PIGU: variants seen among roughly 807,000 people sequenced by gnomAD.
PIGU encodes the protein GPI-anchor transamidase component PIGU.
A neutral mutation model predicts 49.9 loss-of-function variants in PIGU; 24 were observed. The ratio of observed to expected loss-of-function variants is 0.48; its 90% confidence interval spans 0.35 to 0.68. PIGU has a LOEUF of 0.68. Among genes scored for constraint, PIGU ranks in the 30% least tolerant of loss-of-function variants. The pLI is 0.01. For synonymous variants in PIGU, 220 were observed against 205.7 expected, an observed-to-expected ratio of 1.07 and a Z score of -0.59; for missense variants, 490 against 532.6, an observed-to-expected ratio of 0.92 and a Z score of 0.79.
chr20:34,673,665 T>C (rs1376491147), intron 1 of PIGU, among the ~76,000 whole-genome samples: 1 of 152,224 alleles, frequency 6.6e-6, no homozygotes, highest in Admixed American at 6.5e-5. Flanking sequence ...ATTCACCTTT[T>C]TGGCTTTCAT....
chr20:34,601,811 G>A (rs952379429), intron 7 of PIGU, among the ~76,000 whole-genome samples: 2 of 152,168 alleles, frequency 1.3e-5, no homozygotes, highest in African/African-American at 4.8e-5. Context: ...AGACCACCCA[G>A]TCTGTGTGTA....
At chr20:34,626,609 A>C (rs1985504133) in intron 6 of PIGU, among the ~76,000 whole-genome samples, 1 of 152,048 alleles carries the variant, frequency 6.6e-6, no homozygotes, top group Non-Finnish European at 1.5e-5. Flanking sequence ...TGGCCAAAAA[A>C]ACTCCAAACA....
intron 1 of PIGU, among the ~76,000 whole-genome samples, chr20:34,673,578 ACTAT>A (rs1179598938): frequency 6.6e-6 from 1 of 152,148 alleles, no homozygotes; most frequent in African/African-American, 2.4e-5. Flanking sequence ...ATGAAACACT[ACTAT>A]GTCCTTTCTG....
At chr20:34,674,252 G>A (rs1411119416) in intron 1 of PIGU, among the ~76,000 whole-genome samples, 1 of 151,624 alleles carries the variant, frequency 6.6e-6, no homozygotes, top group Non-Finnish European at 1.5e-5. Context: ...CTACCCAAGA[G>A]GCTGAGACGA....
In PIGU at chr20:34,646,449, C is replaced by T. The variant is rs550112454; in HGVS notation, c.196-1115G>A. Among the ~76,000 whole-genome samples the T allele has an allele frequency of 1.8e-4, 28 of 152,300 alleles. No individual in the cohort carries two copies. In the South Asian group the frequency reaches 5.6e-3, roughly 30 times the overall value. On this transcript the variant is annotated intron_variant, in intron 2 of 11. Transcript: ENST00000217446. ...TTTGAGATGGAGTCTCGCTCTGTCACCCAGGCTGGAGTGCAGTGGTACGAT... is the reference window on the plus strand; with the variant it reads ...TTTGAGATGGAGTCTCGCTCTGTCATCCAGGCTGGAGTGCAGTGGTACGAT...
At chr20:34,639,383 A>G (rs1986076735) in intron 4 of PIGU, among the ~76,000 whole-genome samples, 1 of 152,204 alleles carries the variant, frequency 6.6e-6, no homozygotes, top group African/African-American at 2.4e-5. Flanking sequence ...CCTGGGCGAC[A>G]GAGCAAGACT....
chr20:34,600,391 A>AG (rs1393134973), intron 7 of PIGU, among the ~76,000 whole-genome samples: 4 of 151,808 alleles, frequency 2.6e-5, no homozygotes, highest in Non-Finnish European at 5.9e-5. Flanking sequence ...TGGGCGACAG[A>AG]GAAAAAAGAG....
intron 2 of PIGU, among the ~76,000 whole-genome samples, chr20:34,651,348 C>G (rs1417252486): frequency 6.6e-6 from 1 of 152,226 alleles, no homozygotes; most frequent in Non-Finnish European, 1.5e-5. Context: ...GCTTCTTGGT[C>G]TCTAGCCAGC....
intron 7 of PIGU, among the ~76,000 whole-genome samples, chr20:34,595,417 T>C (rs552011632): frequency 6.6e-6 from 1 of 152,348 alleles, no homozygotes; most frequent in South Asian, 2.1e-4. Context: ...ATGCCTAGGT[T>C]ATATGCAAAT....
At chr20:34,577,472 T>A (rs1467025718) in intron 10 of PIGU, among the ~76,000 whole-genome samples, 1 of 152,104 alleles carries the variant, frequency 6.6e-6, no homozygotes, top group Non-Finnish European at 1.5e-5. Context: ...TCCCAGCACT[T>A]TGGGAGGCTG....
chr20:34,600,093 T>A (rs1029386283), intron 7 of PIGU, among the ~76,000 whole-genome samples: 4 of 152,094 alleles, frequency 2.6e-5, no homozygotes, highest in Non-Finnish European at 5.9e-5. Context: ...TTCAAGAGAA[T>A]GATAAATTTC....
chr20:34,634,570 C>A, intron 6 of PIGU, 45 bp downstream of exon 6: 1 of 1,552,898 alleles, frequency 6.4e-7, no homozygotes, highest in South Asian at 1.2e-5. Flanking sequence ...CAAAATCTTG[C>A]ATAAATCAGG....
intron 2 of PIGU, among the ~76,000 whole-genome samples, chr20:34,656,703 C>T (rs934537777): frequency 7.4e-5 from 11 of 149,188 alleles, no homozygotes; most frequent in Non-Finnish European, 1.3e-4. Context: ...GAGGTCAAGG[C>T]TGCAGTGAAC....
intron 7 of PIGU, among the ~76,000 whole-genome samples, chr20:34,607,771 C>CTGCACAGAGTTG (rs148331760): frequency 0.043 from 6,589 of 152,094 alleles, 193 homozygotes; most frequent in Middle Eastern, 0.078. Flanking sequence ...TGCTGTGGGA[C>CTGCACAGAGTTG]TGCACAGAGT....
At chr20:34,575,726 T>C (rs915617417) in intron 10 of PIGU, among the ~76,000 whole-genome samples, 5 of 152,068 alleles carry the variant, frequency 3.3e-5, no homozygotes, top group African/African-American at 1.2e-4. Context: ...TAGGAACACG[T>C]TTTCCATTCT....
intron 7 of PIGU, among the ~76,000 whole-genome samples, chr20:34,595,459 T>A (rs1476593041): frequency 6.6e-6 from 1 of 152,194 alleles, no homozygotes; most frequent in Non-Finnish European, 1.5e-5. Context: ...GACTTGTACA[T>A]CCTGAGATTT....
intron 7 of PIGU, among the ~76,000 whole-genome samples, chr20:34,606,169 C>T (rs1268841266): frequency 1.3e-5 from 2 of 150,316 alleles, no homozygotes; most frequent in Non-Finnish European, 3.0e-5. Context: ...GCAGGAGAAT[C>T]GCTTGAACCT....
At chr20:34,564,383 A>G (rs932908254) in intron 11 of PIGU, among the ~76,000 whole-genome samples, 5 of 152,220 alleles carry the variant, frequency 3.3e-5, no homozygotes, top group Non-Finnish European at 2.9e-5. Flanking sequence ...AAATAAATGA[A>G]CTAGCTGGGA....
chr20:34,572,164 C>T (rs192381160), intron 11 of PIGU, among the ~76,000 whole-genome samples: 1 of 152,180 alleles, frequency 6.6e-6, no homozygotes, highest in Admixed American at 6.5e-5. Context: ...ATGCAAGGCT[C>T]TTCCATTTTA....
Sources: allele counts gnomAD v4.1 joint callset (sites outside exome capture counted in the v4.1 genomes callset), GRCh38; gene constraint gnomAD v4.1.1; transcripts MANE v1.5; gene names NCBI Gene and HGNC (gene_info 2026-07-23, HGNC 2026-07-21).